HSPG2: variants seen among roughly 807,000 people sequenced by gnomAD.
The protein encoded by HSPG2 is heparan sulfate proteoglycan 2.
Under a neutral mutation model 526.6 loss-of-function variants are expected in HSPG2, and 278 were observed. That is an observed-to-expected ratio of 0.53 (90% CI 0.48 to 0.58). The LOEUF (loss-of-function observed/expected upper bound fraction) is 0.58, where lower values mean the gene tolerates loss of function less well. Ranked by LOEUF, HSPG2 falls within the 20% of genes least tolerant of loss-of-function variation. The pLI is 0.00. For synonymous variants in HSPG2, 2,465 were observed against 2,555.4 expected, an observed-to-expected ratio of 0.96 and a Z score of 1.07; for missense variants, 5,354 against 6,099.5, an observed-to-expected ratio of 0.88 and a Z score of 4.07.
At chr1:21,861,677 G>A in intron 39 of HSPG2, 80 bp downstream of exon 39, 1 of 1,312,954 alleles carries the variant, frequency 7.6e-7, no homozygotes, top group Non-Finnish European at 1.1e-6. Flanking sequence ...AGACTTTTCT[G>A]AGCAACACCC....
Position 21,850,470 on chromosome 1 carries a change from T to C in HSPG2, c.7187A>G (p.Gln2396Arg), listed in dbSNP as rs1418992404. The C allele has an allele frequency of 6.2e-7, 1 of 1,611,934 alleles. No individual in the cohort carries two copies. The highest frequency in any genetic ancestry group is 1.7e-5 in the Admixed American group (1 of 59,912). ...QTHGSLLRLYQASPADSGEYV... is the reference protein window; with the variant it reads ...QTHGSLLRLYRASPADSGEYV... ...CTCGCCCGAGTCGGCGGGGGACGCT[T>C]GGTAGAGTCTCAGCAGGGAGCCGTG... Residue 2396 changes from glutamine (Q) to arginine (R), a missense_variant, in exon 56 of 97, where the codon CAA becomes CGA. Physicochemically the swap from Gln to Arg is conservative, Grantham distance 43 (BLOSUM62 1). Transcript: ENST00000374695.
intron 3 of HSPG2, among the ~76,000 whole-genome samples, chr1:21,892,535 G>A (rs1227749599): frequency 6.6e-6 from 1 of 152,232 alleles, no homozygotes; most frequent in Non-Finnish European, 1.5e-5. Flanking sequence ...CCCTGCAGCT[G>A]GTGCCTGAGC....
At chr1:21,932,457 T>C (rs569025671) in intron 1 of HSPG2, among the ~76,000 whole-genome samples, 1 of 152,300 alleles carries the variant, frequency 6.6e-6, no homozygotes, top group East Asian at 1.9e-4. Flanking sequence ...TCGACAAAGA[T>C]ATTCACTAAG....
At chr1:21,875,107 C>T in intron 25 of HSPG2, 105 bp from the exon 26 acceptor site, 1 of 842,084 alleles carries the variant, frequency 1.2e-6, no homozygotes, top group African/African-American at 1.7e-5. Context: ...ACAGCCCTGT[C>T]ACAGTGCTGC....
At chr1:21,830,690 CAAAAAAA>C in intron 85 of HSPG2, 8 of 106,398 alleles carry the variant, frequency 7.5e-5, no homozygotes, top group South Asian at 2.0e-4. Context: ...AACTTCGTCT[CAAAAAAA>C]AAAAAAAAAA....
chr1:21,829,179 C>T (rs539400393), intron 87 of HSPG2, 100 bp from the exon 88 acceptor site: 26 of 1,469,040 alleles, frequency 1.8e-5, no homozygotes, highest in Non-Finnish European at 2.2e-5. Flanking sequence ...GAATGCCCTA[C>T]AGCCTTCTGT....
At position 21,859,889 on chromosome 1, in the gene HSPG2, A is replaced by C. The variant is rs1346712672; in HGVS notation, c.5128T>G (p.Trp1710Gly). The C allele has an allele frequency of 6.2e-7, 1 of 1,611,110 alleles. No homozygotes were observed. Among genetic ancestry groups the C allele is most frequent in the Non-Finnish European group, 8.5e-7 (1 of 1,179,544 alleles). ...ACAGGCCGCCCATCCTCACGGGACC[A>C]ATAGAAGTAGTGGGGTGGGCTCCCA... is the stretch of plus-strand genomic sequence containing the variant. ...VSGSPPHYFY[W>G]SREDGRPVPS... Residue 1710 changes from tryptophan to glycine, a missense_variant, in exon 41 of 97, where the codon TGG (tryptophan) becomes GGG (glycine). Coordinates refer to ENST00000374695, the MANE Select transcript of HSPG2 (RefSeq NM_005529.7). This position sits in a 1 kb window ranked among gnomAD's most constrained non-coding sequence, Gnocchi z 5.3.
At chr1:21,931,540 C>G (rs1188692057) in intron 1 of HSPG2, among the ~76,000 whole-genome samples, 2 of 152,112 alleles carry the variant, frequency 1.3e-5, no homozygotes, top group African/African-American at 4.8e-5. Context: ...GGGAAGCTGC[C>G]GGGGAACCAA....
intron 69 of HSPG2, 92 bp from the exon 70 acceptor site, chr1:21,841,765 C>A: frequency 3.3e-6 from 5 of 1,520,008 alleles, no homozygotes; most frequent in Non-Finnish European, 4.5e-6. Flanking sequence ...GCCCACTTCC[C>A]CAATCCCTCC....
intron 67 of HSPG2, among the ~76,000 whole-genome samples, 180 bp from the exon 68 acceptor site, chr1:21,842,560 G>A (rs551285464): frequency 6.6e-6 from 1 of 152,330 alleles, no homozygotes; most frequent in East Asian, 1.9e-4. Flanking sequence ...TTACAGTGGA[G>A]GAAACTGAGG....
chr1:21,909,431 T>C (rs1010604916), intron 1 of HSPG2, among the ~76,000 whole-genome samples: 1 of 152,114 alleles, frequency 6.6e-6, no homozygotes, highest in East Asian at 1.9e-4. Context: ...CAGCAGCCAA[T>C]GGGAAGAAGG....
chr1:21,897,913 G>A lies in HSPG2; in HGVS notation c.64-1603C>T, dbSNP rs12049414. Among the ~76,000 whole-genome samples the A allele has an allele frequency of 0.017, 2,527 of 152,144 alleles. 105 individuals are homozygous for A. The East Asian group carries it at 0.17, about 10-fold the overall frequency. On this transcript the variant is annotated intron_variant, in intron 1 of 96. Coordinates refer to ENST00000374695, the MANE Select transcript of HSPG2 (RefSeq NM_005529.7). ...ACTAGAAAGAAACTCTCTTTGTCCC[G>A]ACTCCTTGCTGTTCACAGTGACCTC... is the stretch of plus-strand genomic sequence containing the variant.
chr1:21,922,048 G>A (rs551014105), intron 1 of HSPG2, among the ~76,000 whole-genome samples: 1 of 152,180 alleles, frequency 6.6e-6, no homozygotes, highest in Non-Finnish European at 1.5e-5. Flanking sequence ...GAGACCCAGA[G>A]GTTTATCTAG....
chr1:21,889,912 T>C (rs1276180517), intron 6 of HSPG2, 69 bp downstream of exon 6: 1 of 1,542,430 alleles, frequency 6.5e-7, no homozygotes, highest in Non-Finnish European at 9.0e-7. Context: ...TGGGAGCCTA[T>C]GGCAGAGACA....
intron 1 of HSPG2, among the ~76,000 whole-genome samples, chr1:21,899,277 C>T (rs1339493069): frequency 1.3e-5 from 2 of 152,130 alleles, no homozygotes; most frequent in Non-Finnish European, 2.9e-5. Context: ...TCTGGGAGAG[C>T]AGATGGAACC....
At chr1:21,829,166 G>A in intron 87 of HSPG2, 87 bp from the exon 88 acceptor site, 2 of 1,486,748 alleles carry the variant, frequency 1.3e-6, no homozygotes, top group Non-Finnish European at 1.8e-6. Flanking sequence ...CTGAGCAGAT[G>A]GGGAATGCCC....
chr1:21,830,011 C>G lies in HSPG2; in HGVS notation c.11752G>C (p.Gly3918Arg). ...YTCRCHLGRSGLRCEEGVTVT... is the reference protein window; with the variant it reads ...YTCRCHLGRSRLRCEEGVTVT... ...CCCTCACCTTCCTCACACCGCAACC[C>G]CGAGCGGCCCAGGTGGCAGCGGCAG... Residue 3918 changes from glycine to arginine, a missense_variant, in exon 86 of 97, where the codon GGG becomes CGG. Gly to Arg is a moderately radical substitution (Grantham distance 125). Transcript: ENST00000374695. 1 of 1,610,040 alleles carries G rather than the reference C, an allele frequency of 6.2e-7. No homozygotes were observed. Among genetic ancestry groups the G allele is most frequent in the Non-Finnish European group, 8.5e-7 (1 of 1,178,786 alleles).
At chr1:21,870,937 C>A in intron 33 of HSPG2, 1 of 944,270 alleles carries the variant, frequency 1.1e-6, no homozygotes. Flanking sequence ...CAGGACAGGG[C>A]AGCAGGGAGG....
chr1:21,892,862 C>CAAAAA (rs564802827), intron 3 of HSPG2, among the ~76,000 whole-genome samples: 2 of 103,838 alleles, frequency 1.9e-5, no homozygotes, highest in Admixed American at 1.1e-4. Context: ...GACTCCATCT[C>CAAAAA]AAAAAAAAAA....
Sources: allele counts gnomAD v4.1 joint callset (sites outside exome capture counted in the v4.1 genomes callset), GRCh38; gene constraint gnomAD v4.1.1; non-coding constraint Gnocchi (gnomAD v3.1); transcripts MANE v1.5; gene names NCBI Gene and HGNC (gene_info 2026-07-23, HGNC 2026-07-21).